PATZ1: variants seen among roughly 807,000 people sequenced by gnomAD.
The protein encoded by PATZ1 is POZ/BTB and AT hook containing zinc finger 1.
Under a neutral mutation model 46.2 loss-of-function variants are expected in PATZ1, and 9 were observed. The observed-to-expected ratio is 0.19, with a 90% CI of 0.12 to 0.34. The LOEUF (loss-of-function observed/expected upper bound fraction) is 0.34, where lower values mean the gene tolerates loss of function less well. Among genes scored for constraint, PATZ1 ranks in the 10% least tolerant of loss-of-function variants. PATZ1 has a pLI of 1.00. For missense variants in PATZ1, 632 were observed against 923.0 expected, an observed-to-expected ratio of 0.68 and a Z score of 4.08; for synonymous variants, 426 against 378.6, an observed-to-expected ratio of 1.13 and a Z score of -1.45.
chr22:31,342,103 G>A (rs1446837882), intron 2 of PATZ1, among the ~76,000 whole-genome samples: 2 of 152,152 alleles, frequency 1.3e-5, no homozygotes, highest in East Asian at 3.9e-4. Context: ...AACTTGGCAT[G>A]GGAGAGGGGA....
Position 31,344,574 on chromosome 22 carries a change from G to T in PATZ1, c.1029C>A (p.Asp343Glu). The T allele has an allele frequency of 6.2e-7, 1 of 1,614,180 alleles. No individual in the cohort carries two copies. Among genetic ancestry groups the T allele is most frequent in the Non-Finnish European group, 8.5e-7 (1 of 1,180,030 alleles). The change falls in exon 1 of 5, where the codon GAC becomes GAA. Residue 343 changes from aspartate (D) to glutamate (E), a missense_variant. Physicochemically the swap from Asp to Glu is conservative, Grantham distance 45. This residue lies in a region of PATZ1 where 279 missense variants were observed against 284.3 expected (regional missense o/e 0.98). Transcript: ENST00000266269. ...ENGLPISEDPDGPRKRSRTRK... is the reference protein window; with the variant it reads ...ENGLPISEDPEGPRKRSRTRK... ...TGGTCCGGCTCCTCTTTCGGGGGCC[G>T]TCGGGGTCTTCAGAGATGGGTAGCC... is the stretch of plus-strand genomic sequence containing the variant.
rs369406764 is a variant in PATZ1 at position 31,328,809 on chromosome 22, G to A, written c.1623C>T (p.Cys541=). The part of the protein sequence containing the change: ...PILNGGAAFH[C]ARTYGNKEGQ... ...TGCCTTTGTTGCCATAGGTCCTGGC[G>A]CAGTGGAACGCTGCTCCCCCATTCA... The change falls in exon 4 of 5, where the codon TGC becomes TGT. Residue 541 remains cysteine, a synonymous_variant. Transcript: ENST00000266269. The surrounding 1 kb of genome is among the most constrained non-coding windows in gnomAD (Gnocchi z 4.8). The A allele has an allele frequency of 1.0e-4, 166 of 1,613,202 alleles. No individual in the cohort carries two copies. The highest frequency in any genetic ancestry group is 1.4e-4 in the Non-Finnish European group (161 of 1,179,696).
At chr22:31,340,399 CTCT>C (rs1008955757) in intron 2 of PATZ1, among the ~76,000 whole-genome samples, 1 of 152,222 alleles carries the variant, frequency 6.6e-6, no homozygotes, top group African/African-American at 2.4e-5. Flanking sequence ...GTCTCTTCAC[CTCT>C]TATGTTTTCA....
Position 31,344,812 on chromosome 22 carries a change from T to C in PATZ1, c.791A>G (p.Lys264Arg). 4 of 1,609,790 alleles carry C rather than the reference T, an allele frequency of 2.5e-6. No homozygotes were observed. The highest frequency in any genetic ancestry group is 1.7e-4 in the Middle Eastern group (1 of 6,046). Residue 264 changes from lysine (K) to arginine (R), a missense_variant, in exon 1 of 5, where the codon AAG becomes AGG. Transcript: ENST00000266269. ...VASSAPPLTG[K>R]RGRGRPRKAN... ...CTTCCTTGGGCGGCCCCGGCCTCGC[T>C]TGCCAGTCAGGGGAGGGGCACTGGA... is the stretch of plus-strand genomic sequence containing the variant.
Position 31,345,782 on chromosome 22 carries a change from G to A in PATZ1, c.-180C>T. On this transcript the variant is annotated 5_prime_UTR_variant, in exon 1 of 5. Transcript: ENST00000266269. The surrounding 1 kb of genome is among the most constrained non-coding windows in gnomAD (Gnocchi z 7.4). ...CCCCCAGCCCGGATCAGACTGTCTA[G>A]ACTGCGGGGTGCACCACCCCCCACA... The A allele has an allele frequency of 6.7e-6, 4 of 600,614 alleles. No individual in the cohort carries two copies. Among genetic ancestry groups the A allele is most frequent in the Non-Finnish European group, 1.1e-5 (4 of 361,820 alleles). The allele number at this position is 600,614 out of a possible 1,614,324, so 37.2% of individuals were successfully genotyped here. A position where few individuals can be genotyped will look rare whatever the true frequency, so the allele number is the denominator to read the frequency against.
At position 31,327,328 on chromosome 22, in the gene PATZ1, T is replaced by G; in HGVS notation, c.1646-19A>C. 6.2e-7 allele frequency: 1 copy of G among 1,605,024 alleles called. No individual in the cohort carries two copies. The highest frequency in any genetic ancestry group is 8.5e-7 in the Non-Finnish European group (1 of 1,174,642). On this transcript the variant is annotated intron_variant, in intron 4 of 4. Coordinates refer to ENST00000266269, the MANE Select transcript of PATZ1 (RefSeq NM_014323.3). The surrounding 1 kb of genome is among the most constrained non-coding windows in gnomAD (Gnocchi z 4.2). ...TGGCCTTCTACGAAAAAACAAAATA[T>G]AGGAGAGCGATGAGGCCAGGCTCTG... is the stretch of plus-strand genomic sequence containing the variant.
Position 31,326,835 on chromosome 22 carries a change from A to C in PATZ1, c.*56T>G. 1 of 1,481,098 alleles carries C rather than the reference A, an allele frequency of 6.8e-7. No homozygotes were observed. Among genetic ancestry groups the C allele is most frequent in the Non-Finnish European group, 9.2e-7 (1 of 1,092,506 alleles). 91.7% of individuals were successfully genotyped at this position (1,481,098 alleles called of 1,614,324 possible). A position where few individuals can be genotyped will look rare whatever the true frequency, so the allele number is the denominator to read the frequency against. ...CCAAACATCACTTCCCTCCGCATTCACAGCATTTCCCAGCAGTCCCCAGAT... is the reference window on the plus strand; with the variant it reads ...CCAAACATCACTTCCCTCCGCATTCCCAGCATTTCCCAGCAGTCCCCAGAT... On this transcript the variant is annotated 3_prime_UTR_variant, in exon 5 of 5. Coordinates refer to ENST00000266269, the MANE Select transcript of PATZ1 (RefSeq NM_014323.3).
intron 2 of PATZ1, among the ~76,000 whole-genome samples, chr22:31,342,147 A>G (rs953052591): frequency 6.6e-6 from 1 of 152,100 alleles, no homozygotes; most frequent in Non-Finnish European, 1.5e-5. Flanking sequence ...TGTGTTCGCT[A>G]TCCACACAGG....
chr22:31,343,009 A>C, intron 1 of PATZ1, 49 bp from the exon 2 acceptor site: 1 of 1,612,344 alleles, frequency 6.2e-7, no homozygotes, highest in Non-Finnish European at 8.5e-7. Flanking sequence ...GCCAGACCCC[A>C]CCACACAGGC....
Position 31,345,353 on chromosome 22 carries a change from G to T in PATZ1, c.250C>A (p.Pro84Thr), listed in dbSNP as rs369451544. The change falls in exon 1 of 5, where the codon CCG becomes ACG. Residue 84 changes from proline to threonine, a missense_variant. Physicochemically the swap from Pro to Thr is conservative, Grantham distance 38 (BLOSUM62 -1). Around this residue, in one of 7 missense-constraint regions of PATZ1, gnomAD observed 62 missense variants for 67.9 expected, o/e 0.91. Transcript: ENST00000266269. This position sits in a 1 kb window ranked among gnomAD's most constrained non-coding sequence, Gnocchi z 7.4. ...GCCGTCGCGCCCCCTACATCAGCCGGACCCCCGTCCGCAGCTCCGCCGTCG... is the reference window on the plus strand; with the variant it reads ...GCCGTCGCGCCCCCTACATCAGCCGTACCCCCGTCCGCAGCTCCGCCGTCG... Reference protein sequence around the residue: ...LGDGGAADGGPADVGGATAAP... With the variant: ...LGDGGAADGGTADVGGATAAP... 1.2e-6 allele frequency: 2 copies of T among 1,607,618 alleles called. No individual in the cohort carries two copies. Among genetic ancestry groups the T allele is most frequent in the South Asian group, 2.2e-5 (2 of 90,632 alleles).
chr22:31,342,768 A>G (rs2899161), intron 2 of PATZ1, 129 bp downstream of exon 2: 170,258 of 867,624 alleles, frequency 0.2, 21,971 homozygotes, highest in East Asian at 0.46. Context: ...GTGGAGGAAC[A>G]GAGGGGAGGT....
chr22:31,337,202 G>A (rs2049522558), intron 2 of PATZ1, among the ~76,000 whole-genome samples: 1 of 152,132 alleles, frequency 6.6e-6, no homozygotes, highest in South Asian at 2.1e-4. Flanking sequence ...AGCATTCATT[G>A]TGTGCCAGGC....
chr22:31,335,961 C>G (rs926144382), intron 2 of PATZ1, 98 bp from the exon 3 acceptor site: 1 of 1,061,976 alleles, frequency 9.4e-7, no homozygotes, highest in Non-Finnish European at 1.4e-6. Flanking sequence ...TTCTGGCCAT[C>G]ACATGACCTC....
rs2049642901 is a variant in PATZ1, at chr22:31,345,543, G to A, written c.60C>T (p.Ser20=). Residue 20 remains serine (S), a synonymous_variant, in exon 1 of 5, where the codon AGC becomes AGT. Coordinates refer to ENST00000266269, the MANE Select transcript of PATZ1 (RefSeq NM_014323.3). The surrounding 1 kb of genome is among the most constrained non-coding windows in gnomAD (Gnocchi z 7.4). ...TGTGCAGCATCTCCGTGCTGTGTCTGCTCACCTGGTATGTGTAGCAGCCAG... is the reference window on the plus strand; with the variant it reads ...TGTGCAGCATCTCCGTGCTGTGTCTACTCACCTGGTATGTGTAGCAGCCAG... ...GPSGCYTYQV[S]RHSTEMLHNL... 5 of 1,612,954 alleles carry A rather than the reference G, an allele frequency of 3.1e-6. No homozygotes were observed. Among genetic ancestry groups the A allele is most frequent in the Non-Finnish European group, 4.2e-6 (5 of 1,179,670 alleles).
Position 31,327,233 on chromosome 22 carries a change from C to T in PATZ1, c.1722G>A (p.Leu574=). Residue 574 remains leucine (L), a synonymous_variant, in exon 5 of 5, where the codon CTG becomes CTA. Coordinates refer to ENST00000266269, the MANE Select transcript of PATZ1 (RefSeq NM_014323.3). This position sits in a 1 kb window ranked among gnomAD's most constrained non-coding sequence, Gnocchi z 4.2. ...TGGCACTCTGCTTCTCTGGCGTCTT[C>T]AGGTCGCTGGCATCTGAGAGGTCAC... ...SYGDLSDASD[L]KTPEKQSANG... is the part of the protein sequence containing the mutation. The T allele has an allele frequency of 6.2e-7, 1 of 1,614,224 alleles. No homozygotes were observed. Among genetic ancestry groups the T allele is most frequent in the Non-Finnish European group, 8.5e-7 (1 of 1,180,030 alleles).
chr22:31,342,053 G>C (rs573376194), intron 2 of PATZ1, among the ~76,000 whole-genome samples: 15 of 152,296 alleles, frequency 9.8e-5, no homozygotes, highest in African/African-American at 1.4e-4. Flanking sequence ...AGAGACTGCA[G>C]TGCACACCCC....
chr22:31,342,824 G>GCTGGCTCAAGGCTGCGAC, intron 2 of PATZ1, 73 bp downstream of exon 2: 1 of 1,536,780 alleles, frequency 6.5e-7, no homozygotes, highest in Non-Finnish European at 8.9e-7. Context: ...ACACGCAGCG[G>GCTGGCTCAAGGCTGCGAC]CTGGCTCAAG....
chr22:31,341,669 G>A, intron 2 of PATZ1: 1 of 1,610,912 alleles, frequency 6.2e-7, no homozygotes, highest in Non-Finnish European at 8.5e-7. Context: ...GGCCGCTGCT[G>A]CTCCCAACCC....
chr22:31,329,669 T>C (rs2049413117), intron 3 of PATZ1, among the ~76,000 whole-genome samples: 1 of 152,154 alleles, frequency 6.6e-6, no homozygotes, highest in Admixed American at 6.5e-5. Flanking sequence ...TGTCTTTATT[T>C]TGGGGGAGGA....
Sources: allele counts gnomAD v4.1 joint callset (sites outside exome capture counted in the v4.1 genomes callset), GRCh38; gene constraint gnomAD v4.1.1; regional missense constraint gnomAD v4.1.1; non-coding constraint Gnocchi (gnomAD v3.1); transcripts MANE v1.5; gene names NCBI Gene and HGNC (gene_info 2026-07-23, HGNC 2026-07-21).